Variants in CCDC73 observed in about 807,000 individuals in gnomAD.
The protein encoded by CCDC73 is coiled-coil domain-containing protein 73.
CCDC73 carries 95 observed loss-of-function variants against 116.5 expected under a neutral mutation model. That is an observed-to-expected ratio of 0.82 (90% CI 0.69 to 0.97). The LOEUF (loss-of-function observed/expected upper bound fraction) is 0.97. CCDC73 is among the 50% of genes least tolerant of loss of function. The pLI is 0.00. For missense variants in CCDC73, 1,066 were observed against 1,206.8 expected (o/e 0.88, Z 1.73); for synonymous variants, 398 against 401.3 (o/e 0.99, Z 0.10).
At position 32,606,806 on chromosome 11, in the gene CCDC73, C is replaced by CT. The variant is rs10591021; in HGVS notation, c.3031-3787dup. Among the ~76,000 whole-genome samples the CT allele has an allele frequency of 9.3e-3, 938 of 101,030 alleles. 18 individuals are homozygous for CT. Among genetic ancestry groups the CT allele is most frequent in the South Asian group, 0.017 (48 of 2,878 alleles). The allele number at this position is 101,030 out of a possible 152,430, so 66.3% of individuals were successfully genotyped here. ...GTTAAAAATTCTATAAAAATAAATT[C>CT]TTTTTTTTTTTTTTTTTTTTTTGAG... On this transcript the variant is annotated intron_variant, in intron 17 of 17. Transcript: ENST00000335185.
At chr11:32,613,375 A>G in intron 16 of CCDC73, 47 bp downstream of exon 16, 1 of 1,457,684 alleles carries the variant, frequency 6.9e-7, no homozygotes, top group Non-Finnish European at 9.3e-7. Context: ...TATCAAGAAT[A>G]AGTAGAAAAA....
chr11:32,737,948 T>C (rs948677475), intron 2 of CCDC73, among the ~76,000 whole-genome samples: 6 of 152,168 alleles, frequency 3.9e-5, no homozygotes, highest in African/African-American at 1.4e-4. Context: ...CATGCAAAGT[T>C]TATCTTTCTG....
chr11:32,653,579 T>G (rs2133261761), intron 11 of CCDC73, among the ~76,000 whole-genome samples: 1 of 152,278 alleles, frequency 6.6e-6, no homozygotes, highest in East Asian at 1.9e-4. Context: ...CATAATGGGC[T>G]AGGGTGTCAT....
intron 17 of CCDC73, among the ~76,000 whole-genome samples, chr11:32,607,507 T>C (rs943638312): frequency 2.0e-5 from 3 of 152,236 alleles, no homozygotes; most frequent in Non-Finnish European, 2.9e-5. Context: ...GATGTGAAAT[T>C]TCCACTGTTT....
chr11:32,610,466 A>G (rs1418546313), intron 17 of CCDC73, among the ~76,000 whole-genome samples: 1 of 152,220 alleles, frequency 6.6e-6, no homozygotes, highest in African/African-American at 2.4e-5. Context: ...TATAATATTC[A>G]TTTTGTATAT....
chr11:32,655,703 C>G (rs1855865315), intron 9 of CCDC73, among the ~76,000 whole-genome samples: 1 of 152,086 alleles, frequency 6.6e-6, no homozygotes, highest in Non-Finnish European at 1.5e-5. Flanking sequence ...GAATGTTATA[C>G]TATAAAACAA....
At chr11:32,722,973 T>C (rs1409402562) in intron 2 of CCDC73, among the ~76,000 whole-genome samples, 2 of 152,188 alleles carry the variant, frequency 1.3e-5, no homozygotes, top group East Asian at 3.8e-4. Context: ...ACTCAGATCA[T>C]CTGTCTCCAA....
chr11:32,716,156 A>T (rs555823864), intron 3 of CCDC73, among the ~76,000 whole-genome samples: 11 of 152,298 alleles, frequency 7.2e-5, no homozygotes, highest in African/African-American at 2.6e-4. Context: ...GAGGGAATGC[A>T]ACCAGGCAGT....
intron 2 of CCDC73, among the ~76,000 whole-genome samples, chr11:32,752,443 G>T (rs9943472): frequency 0.58 from 88,608 of 151,976 alleles, 26,146 homozygotes; most frequent in East Asian, 0.84. Flanking sequence ...CAGACTTAAT[G>T]ATCGTGAAAT....
intron 3 of CCDC73, among the ~76,000 whole-genome samples, chr11:32,714,997 C>T (rs376201833): frequency 6.6e-5 from 10 of 152,162 alleles, no homozygotes; most frequent in African/African-American, 2.2e-4. Context: ...CCATACTGTC[C>T]ACAAAGTCTG....
At position 32,755,877 on chromosome 11, in the gene CCDC73, A is replaced by ATATATCTCCATATATATG. The variant is rs1850336320; in HGVS notation, c.135+4231_135+4232insCATATATATGGAGATATA. On this transcript the variant is annotated intron_variant, in intron 2 of 17. Transcript: ENST00000335185. ...TGTGTGTATATATCTCCATATATAT[A>ATATATCTCCATATATATG]TCTGTGTATATATCTCCATATATAT... Among the ~76,000 whole-genome samples the ATATATCTCCATATATATG allele has an allele frequency of 1.7e-5, 2 of 119,202 alleles. 1 individual carries two copies. The highest frequency in any genetic ancestry group is 3.3e-5 in the Non-Finnish European group (2 of 61,096). 78.2% of individuals were successfully genotyped at this position (119,202 alleles called of 152,430 possible).
In CCDC73 at chr11:32,734,431, T is replaced by C. The variant is rs571928750; in HGVS notation, c.136-16284A>G. ...CCCTAACTCATTTTTTTTTCTTTTT[T>C]TTTTTTTTTTTTATTGATCATTCTT... is the stretch of plus-strand genomic sequence containing the variant. On this transcript the variant is annotated intron_variant, in intron 2 of 17. Coordinates refer to ENST00000335185, the MANE Select transcript of CCDC73 (RefSeq NM_001008391.4). Among the ~76,000 whole-genome samples, 211 of 151,218 alleles carry C rather than the reference T, an allele frequency of 1.4e-3. 1 individual carries two copies. Among genetic ancestry groups the C allele is most frequent in the African/African-American group, 5.0e-3 (208 of 41,280 alleles).
chr11:32,646,462 C>G (rs1462110682), intron 12 of CCDC73, among the ~76,000 whole-genome samples: 1 of 152,174 alleles, frequency 6.6e-6, no homozygotes, highest in Non-Finnish European at 1.5e-5. Flanking sequence ...TCTACCAATA[C>G]TCGGCAATTT....
At chr11:32,815,993 C>T in the CCDC73 span, among the ~76,000 whole-genome samples, 1 of 152,116 alleles carries the variant, frequency 6.6e-6, no homozygotes. Context: ...ACTTGTTAAT[C>T]AATTGGATAT....
At position 32,691,016 on chromosome 11, in the gene CCDC73, T is replaced by C. The variant is rs552833231; in HGVS notation, c.391-7442A>G. 3.9e-5 allele frequency among the ~76,000 whole-genome samples: 6 copies of C among 152,070 alleles called. No individual in the cohort carries two copies. The East Asian group carries it at 1.2e-3, about 29-fold the overall frequency. ...AAAAAACTTCTGTACTCTGTCTTTT[T>C]ATCTCTCCCTCCTTCAACCCCTGGC... On this transcript the variant is annotated intron_variant, in intron 6 of 17. Transcript: ENST00000335185.
At chr11:32,678,882 CA>C (rs55859897) in intron 7 of CCDC73, among the ~76,000 whole-genome samples, 59,285 of 131,112 alleles carry the variant, frequency 0.45, 12,610 homozygotes, top group East Asian at 0.72. Context: ...GGCTCCGTCA[CA>C]AAAAAAAAAA....
intron 1 of CCDC73, among the ~76,000 whole-genome samples, chr11:32,762,223 C>A (rs747344978): frequency 6.6e-6 from 1 of 152,076 alleles, no homozygotes; most frequent in African/African-American, 2.4e-5. Flanking sequence ...AATCCTCCTA[C>A]TAAAAATAAC....
chr11:32,684,872 C>A (rs1856179996), intron 6 of CCDC73, among the ~76,000 whole-genome samples: 1 of 151,890 alleles, frequency 6.6e-6, no homozygotes, highest in African/African-American at 2.4e-5. Context: ...CCCAGCTACT[C>A]GGGAGGCTGA....
At chr11:32,810,198 G>A in the CCDC73 span, among the ~76,000 whole-genome samples, 9 of 152,230 alleles carry the variant, frequency 5.9e-5, no homozygotes, top group Non-Finnish European at 1.3e-4. Flanking sequence ...ATCTGTGAAG[G>A]AGTGGATTGC....
Sources: allele counts gnomAD v4.1 joint callset (sites outside exome capture counted in the v4.1 genomes callset), GRCh38; gene constraint gnomAD v4.1.1; transcripts MANE v1.5; gene names NCBI Gene and HGNC (gene_info 2026-07-23, HGNC 2026-07-21).